The following YARS1 variants were observed in gnomAD, a reference collection of about 807,000 sequenced individuals.
YARS1 encodes tyrosyl-tRNA synthetase 1, also known as tyrosine--tRNA ligase, cytoplasmic.
Under a neutral mutation model 62.2 loss-of-function variants are expected in YARS1, and 36 were observed. That is an observed-to-expected ratio of 0.58 (90% confidence interval 0.44 to 0.76). The LOEUF is 0.76. Ranked by LOEUF, YARS1 falls within the 30% of genes least tolerant of loss-of-function variation. The pLI, the probability that YARS1 is intolerant of heterozygous loss-of-function variation, is 0.00. For missense variants in YARS1, 524 were observed against 639.8 expected, an observed-to-expected ratio of 0.82 and a Z score of 1.95; for synonymous variants, 234 against 244.9, an observed-to-expected ratio of 0.96 and a Z score of 0.42.
chr1:32,805,689 C>G (rs114918424), intron 4 of YARS1, among the ~76,000 whole-genome samples: 2,777 of 152,198 alleles, frequency 0.018, 82 homozygotes, highest in African/African-American at 0.063. Flanking sequence ...CGGCCGGGCA[C>G]GGTAGCTCAC....
chr1:32,775,760 GCCC>G lies in YARS1; in HGVS notation c.*218_*220del. ...AGGTAGGGCTGGACTCCCTGCTGTG[GCCC>G]AGCCCTTGTTAGGGGTTGGTCTCTC... On this transcript the variant is annotated 3_prime_UTR_variant, in exon 13 of 13. Coordinates refer to ENST00000373477, the MANE Select transcript of YARS1 (RefSeq NM_003680.4). The G allele has an allele frequency of 1.7e-6, 1 of 596,148 alleles. No homozygotes were observed. The highest frequency in any genetic ancestry group is 2.0e-5 in the South Asian group (1 of 50,624). The allele number at this position is 596,148 out of a possible 1,614,324, so 36.9% of individuals were successfully genotyped here.
At chr1:32,780,623 A>G (rs1653021647) in intron 10 of YARS1, 2 of 421,692 alleles carry the variant, frequency 4.7e-6, no homozygotes, top group South Asian at 2.2e-5. Flanking sequence ...TCGAAGGGAA[A>G]AAAAGCCCAG....
At chr1:32,784,971 T>C (rs930305460) in intron 8 of YARS1, among the ~76,000 whole-genome samples, 2 of 152,186 alleles carry the variant, frequency 1.3e-5, no homozygotes, top group East Asian at 1.9e-4. Flanking sequence ...TCTCTTGTTT[T>C]TGAATCCTGA....
intron 3 of YARS1, among the ~76,000 whole-genome samples, chr1:32,807,357 C>T (rs1312120705): frequency 6.6e-6 from 1 of 152,178 alleles, no homozygotes; most frequent in Non-Finnish European, 1.5e-5. Context: ...AACCTGGGTC[C>T]AGTTACATTA....
intron 1 of YARS1, chr1:32,816,640 C>T (rs970327736): frequency 6.5e-6 from 1 of 154,524 alleles, no homozygotes; most frequent in Non-Finnish European, 1.4e-5. Flanking sequence ...TTCTTCCATT[C>T]TTCCTCTGGT....
At chr1:32,804,206 G>A (rs1638383726) in intron 4 of YARS1, among the ~76,000 whole-genome samples, 2 of 152,218 alleles carry the variant, frequency 1.3e-5, no homozygotes, top group Admixed American at 6.5e-5. Flanking sequence ...TTTTCTATTC[G>A]ACAAAACCGC....
intron 1 of YARS1, among the ~76,000 whole-genome samples, chr1:32,815,741 A>C (rs1439819492): frequency 1.3e-5 from 2 of 152,230 alleles, no homozygotes; most frequent in Non-Finnish European, 2.9e-5. Flanking sequence ...CAGAGAGTAG[A>C]TTAGTGTTTC....
chr1:32,797,197 C>A (rs2148610020), intron 5 of YARS1, among the ~76,000 whole-genome samples: 1 of 150,068 alleles, frequency 6.7e-6, no homozygotes, highest in South Asian at 2.1e-4. Flanking sequence ...CACAGGGAGG[C>A]CTCATCCCTA....
chr1:32,785,890 CT>C (rs11344284), intron 8 of YARS1, among the ~76,000 whole-genome samples: 143,063 of 146,542 alleles, frequency 0.98, 69,860 homozygotes, highest in East Asian at 1. Context: ...AGCCCATTTT[CT>C]TTTTTTTTTT....
At chr1:32,780,361 G>C (rs1569707554) in intron 10 of YARS1, 83 bp from the exon 11 acceptor site, 53 of 1,532,070 alleles carry the variant, frequency 3.5e-5, no homozygotes, top group Non-Finnish European at 2.7e-6. Flanking sequence ...CCGGAAAGGA[G>C]CATCCACTCC....
intron 5 of YARS1, among the ~76,000 whole-genome samples, chr1:32,794,492 C>G (rs1653510882): frequency 6.6e-6 from 1 of 152,126 alleles, no homozygotes; most frequent in Non-Finnish European, 1.5e-5. Flanking sequence ...CAGGCTCAAA[C>G]AATTCTCCTG....
At chr1:32,791,412 G>C (rs765472290) in intron 5 of YARS1, among the ~76,000 whole-genome samples, 158 bp from the exon 6 acceptor site, 1 of 152,140 alleles carries the variant, frequency 6.6e-6, no homozygotes, top group Non-Finnish European at 1.5e-5. Context: ...TAATTCAAGC[G>C]AAGTTTTTTT....
chr1:32,776,194 C>A lies in YARS1; in HGVS notation c.1477-103G>T. On this transcript the variant is annotated intron_variant, in intron 12 of 12. Coordinates refer to ENST00000373477, the MANE Select transcript of YARS1 (RefSeq NM_003680.4). The surrounding 1 kb of genome is among the most constrained non-coding windows in gnomAD (Gnocchi z 4.0). Reference sequence around the variant, plus strand: ...CAGAGTTTTGCTCTTGTTGCCCAGGCTGGAGTGCAATGGCGTGATCTTGGC... The same window carrying A: ...CAGAGTTTTGCTCTTGTTGCCCAGGATGGAGTGCAATGGCGTGATCTTGGC... 2.0e-6 allele frequency: 2 copies of A among 986,514 alleles called. No individual in the cohort carries two copies. Among genetic ancestry groups the A allele is most frequent in the Non-Finnish European group, 3.1e-6 (2 of 635,116 alleles). 61.1% of individuals were successfully genotyped at this position (986,514 alleles called of 1,614,324 possible).
chr1:32,782,113 T>C (rs899090108), intron 9 of YARS1: 2 of 441,938 alleles, frequency 4.5e-6, no homozygotes, highest in African/African-American at 2.0e-5. Context: ...CCCCGGTCAC[T>C]ATCTTTAATG....
intron 3 of YARS1, among the ~76,000 whole-genome samples, chr1:32,809,033 G>A (rs1317580599): frequency 6.6e-6 from 1 of 152,044 alleles, no homozygotes; most frequent in African/African-American, 2.4e-5. Context: ...GGTACTCTAC[G>A]AAGGCTGTAG....
Position 32,791,113 on chromosome 1 carries a change from T to A in YARS1, c.684+49A>T, listed in dbSNP as rs1233910193. ...ACTGTTCTTTTCAGTCCTCAATCTC[T>A]CCATTGAGGCTGAAGATTTCTAAAT... is the stretch of plus-strand genomic sequence containing the variant. On this transcript the variant is annotated intron_variant, in intron 6 of 12. Transcript: ENST00000373477. 7 of 1,503,414 alleles carry A rather than the reference T, an allele frequency of 4.7e-6. No individual in the cohort carries two copies. The African/African-American group carries it at 9.6e-5, about 21-fold the overall frequency. 93.1% of individuals were successfully genotyped at this position (1,503,414 alleles called of 1,614,324 possible).
At position 32,775,997 on chromosome 1, in the gene YARS1, C is replaced by G. The variant is rs201687117; in HGVS notation, c.1571G>C (p.Gly524Ala). ...CTGGGCTGGCTAGCTAATGTTCCCC[C>G]CTTTCAGCGATTTACAGGAAATGGA... is the stretch of plus-strand genomic sequence containing the variant. ...LGSISCKSLK[G>A]GNIS Residue 524 changes from glycine (G) to alanine (A), a missense_variant, in exon 13 of 13, where the codon GGG (glycine) becomes GCG (alanine). Gly to Ala is a moderately conservative substitution (Grantham distance 60). Transcript: ENST00000373477. The G allele has an allele frequency of 9.6e-5, 155 of 1,613,954 alleles. No homozygotes were observed. Among genetic ancestry groups the G allele is most frequent in the Non-Finnish European group, 1.3e-4 (149 of 1,180,000 alleles).
Position 32,806,519 on chromosome 1 carries a change from T to C in YARS1, c.473A>G (p.His158Arg), listed in dbSNP as rs1638470263. 1 of 1,613,930 alleles carries C rather than the reference T, an allele frequency of 6.2e-7. No homozygotes were observed. The highest frequency in any genetic ancestry group is 1.3e-5 in the African/African-American group (1 of 74,884). ...AGAEVVKQVE[H>R]PLLSGLLYPG... ...GTATAAGAGGCCACTCAGCAAAGGGTGCTCCACCTGCTTTACCACCTCAGC... is the reference window on the plus strand; with the variant it reads ...GTATAAGAGGCCACTCAGCAAAGGGCGCTCCACCTGCTTTACCACCTCAGC... Residue 158 changes from histidine (H) to arginine (R), a missense_variant, in exon 4 of 13, where the codon CAC (histidine) becomes CGC (arginine). Physicochemically the swap from His to Arg is conservative, Grantham distance 29. Transcript: ENST00000373477.
In YARS1 at chr1:32,776,599, G is replaced by A. The variant is rs1326327541; in HGVS notation, c.1477-508C>T. 6.6e-6 allele frequency among the ~76,000 whole-genome samples: 1 copy of A among 152,208 alleles called. No individual in the cohort carries two copies. ...AATAAACCTAAGTGCAAAGGCTTATGCATGAAGACATCTGTCACATCTGTC... is the reference window on the plus strand; with the variant it reads ...AATAAACCTAAGTGCAAAGGCTTATACATGAAGACATCTGTCACATCTGTC... On this transcript the variant is annotated intron_variant, in intron 12 of 12. Coordinates refer to ENST00000373477, the MANE Select transcript of YARS1 (RefSeq NM_003680.4). This position sits in a 1 kb window ranked among gnomAD's most constrained non-coding sequence, Gnocchi z 4.0.
Sources: allele counts gnomAD v4.1 joint callset (sites outside exome capture counted in the v4.1 genomes callset), GRCh38; gene constraint gnomAD v4.1.1; non-coding constraint Gnocchi (gnomAD v3.1); transcripts MANE v1.5; gene names NCBI Gene and HGNC (gene_info 2026-07-23, HGNC 2026-07-21).